The following GRB10 variants were observed in gnomAD, a reference collection of about 807,000 sequenced individuals.
GRB10 encodes the protein growth factor receptor bound protein 10.
In GRB10, 20 loss-of-function variants were observed where a neutral mutation model predicts 80.9. The ratio of observed to expected loss-of-function variants is 0.25; its 90% CI spans 0.17 to 0.36. The LOEUF (loss-of-function observed/expected upper bound fraction) is 0.36, where lower values mean the gene tolerates loss of function less well. GRB10 is among the 10% of genes least tolerant of loss of function. GRB10 has a pLI of 1.00. For missense variants in GRB10, 548 were observed against 747.7 expected (o/e 0.73, Z 3.12); for synonymous variants, 291 against 291.5 (o/e 1.00, Z 0.02).
At chr7:50,748,391 G>A (rs891270757) in intron 3 of GRB10, among the ~76,000 whole-genome samples, 1 of 152,356 alleles carries the variant, frequency 6.6e-6, no homozygotes, top group African/African-American at 2.4e-5. Context: ...CAGGGAGAGC[G>A]TCACGGCAGA....
chr7:50,639,578 C>T (rs780701617), intron 7 of GRB10, among the ~76,000 whole-genome samples: 22 of 151,830 alleles, frequency 1.4e-4, no homozygotes, highest in East Asian at 7.8e-4. Context: ...GAGGCTGAGG[C>T]GGGAGAATGG....
At chr7:50,606,206 G>A (rs1358657676) in intron 14 of GRB10, 131 bp downstream of exon 14, 2 of 810,152 alleles carry the variant, frequency 2.5e-6, no homozygotes. Flanking sequence ...GGGACATACT[G>A]GCTTCCCTGA....
intron 5 of GRB10, among the ~76,000 whole-genome samples, chr7:50,678,874 C>T (rs1279909900): frequency 6.6e-6 from 1 of 152,178 alleles, no homozygotes; most frequent in African/African-American, 2.4e-5. Context: ...GGCCTTCTGC[C>T]ACGTAACAGA....
At position 50,610,631 on chromosome 7, in the gene GRB10, C is replaced by T. The variant is rs572860199; in HGVS notation, c.1194+2110G>A. 6.6e-5 allele frequency among the ~76,000 whole-genome samples: 10 copies of T among 152,278 alleles called. No homozygotes were observed. In the South Asian group the frequency reaches 1.9e-3, roughly 28 times the overall value. On this transcript the variant is annotated intron_variant, in intron 13 of 18. Transcript: ENST00000401949. ...GGGCTCTGACCCTGCTCTGCCACAT[C>T]GTGGCAGCTACAGCTTGGGCCTCAG...
chr7:50,647,441 G>T (rs78822579), intron 7 of GRB10, among the ~76,000 whole-genome samples: 9,382 of 152,288 alleles, frequency 0.062, 985 homozygotes, highest in African/African-American at 0.21. Context: ...GGAGGGTGCG[G>T]ATGTGCCCTC....
intron 3 of GRB10, among the ~76,000 whole-genome samples, chr7:50,746,142 T>C (rs2072850031): frequency 6.6e-6 from 1 of 152,138 alleles, no homozygotes; most frequent in Non-Finnish European, 1.5e-5. Flanking sequence ...AACTTGACAA[T>C]GGTTCAACTC....
intron 3 of GRB10, among the ~76,000 whole-genome samples, chr7:50,738,650 T>C (rs2071213271): frequency 6.6e-6 from 1 of 152,228 alleles, no homozygotes; most frequent in Non-Finnish European, 1.5e-5. Flanking sequence ...AACTGGATCA[T>C]CTACTGTGCT....
intron 2 of GRB10, chr7:50,779,454 T>C (rs1562702459): frequency 6.6e-6 from 1 of 152,182 alleles, no homozygotes; most frequent in Admixed American, 6.5e-5. Flanking sequence ...ATAAGCAAAA[T>C]ATATTAACAT....
chr7:50,646,695 G>A (rs753587338), intron 7 of GRB10, among the ~76,000 whole-genome samples: 13 of 152,202 alleles, frequency 8.5e-5, no homozygotes, highest in African/African-American at 2.9e-4. Context: ...AAAGAGATGA[G>A]TGGGGGTAGA....
chr7:50,681,018 C>T (rs560575285), intron 5 of GRB10, among the ~76,000 whole-genome samples: 1 of 152,326 alleles, frequency 6.6e-6, no homozygotes, highest in South Asian at 2.1e-4. Context: ...ACTACTGATT[C>T]TCTGCTTTCA....
intron 4 of GRB10, among the ~76,000 whole-genome samples, chr7:50,715,699 C>CA (rs1452580407): frequency 6.6e-6 from 1 of 152,296 alleles, no homozygotes; most frequent in East Asian, 1.9e-4. Flanking sequence ...GCACACTCCA[C>CA]AAAAATGTTC....
intron 5 of GRB10, among the ~76,000 whole-genome samples, chr7:50,692,323 T>TAA (rs2062922094): frequency 6.6e-6 from 1 of 152,050 alleles, no homozygotes; most frequent in East Asian, 1.9e-4. Context: ...CATATATATA[T>TAA]AATGAATAAA....
At chr7:50,684,191 A>C (rs2061845838) in intron 5 of GRB10, among the ~76,000 whole-genome samples, 2 of 147,284 alleles carry the variant, frequency 1.4e-5, no homozygotes, top group South Asian at 4.3e-4. Context: ...CTGGTAGCAA[A>C]GGCTAAAGTC....
chr7:50,729,998 A>C (rs1417332229), intron 4 of GRB10, among the ~76,000 whole-genome samples: 1 of 152,134 alleles, frequency 6.6e-6, no homozygotes, highest in African/African-American at 2.4e-5. Context: ...GGCGCCGGGT[A>C]ATTTAGACAT....
Position 50,614,828 on chromosome 7 carries a change from G to A in GRB10, c.1037C>T (p.Ser346Phe). The A allele has an allele frequency of 6.2e-7, 1 of 1,614,070 alleles. No homozygotes were observed. The change falls in exon 12 of 19, where the codon TCC becomes TTC. Residue 346 changes from serine (S) to phenylalanine (F), a missense_variant. Around this residue, in one of 4 missense-constraint regions of GRB10, gnomAD observed 270 missense variants for 433.6 expected, o/e 0.62. Transcript: ENST00000401949. ...LADLEDSNIF[S>F]LIAGRKQYNA... ...GTACTGCTTCCTGCCAGCGATCAGGGAGAAGATGTTGCTGTCCTCCAGGTC... is the reference window on the plus strand; with the variant it reads ...GTACTGCTTCCTGCCAGCGATCAGGAAGAAGATGTTGCTGTCCTCCAGGTC...
At chr7:50,647,770 A>C (rs1216065221) in intron 7 of GRB10, among the ~76,000 whole-genome samples, 2 of 152,312 alleles carry the variant, frequency 1.3e-5, no homozygotes, top group African/African-American at 4.8e-5. Flanking sequence ...CAAGGAAAGT[A>C]AAGCCCAGGC....
chr7:50,753,677 G>T (rs1242054192), intron 3 of GRB10, among the ~76,000 whole-genome samples: 2 of 152,340 alleles, frequency 1.3e-5, no homozygotes, highest in African/African-American at 4.8e-5. Flanking sequence ...CACCACACAG[G>T]TGGACCTGCT....
chr7:50,776,993 ACTTTT>A (rs1249177998), intron 2 of GRB10, among the ~76,000 whole-genome samples: 3 of 151,794 alleles, frequency 2.0e-5, no homozygotes, highest in African/African-American at 2.4e-5. Flanking sequence ...ACCCAATTCC[ACTTTT>A]CTTTTAAGTA....
intron 4 of GRB10, chr7:50,705,212 G>A (rs985213180): frequency 5.1e-6 from 5 of 985,852 alleles, no homozygotes; most frequent in Non-Finnish European, 6.0e-6. Flanking sequence ...GAAGCAGAGG[G>A]TAGCCCAGGG....
Sources: allele counts gnomAD v4.1 joint callset (sites outside exome capture counted in the v4.1 genomes callset), GRCh38; gene constraint gnomAD v4.1.1; regional missense constraint gnomAD v4.1.1; transcripts MANE v1.5; gene names NCBI Gene and HGNC (gene_info 2026-07-23, HGNC 2026-07-21).